The following MRPL21 variants were observed in gnomAD, a reference collection of about 807,000 sequenced individuals.
The protein encoded by MRPL21 is mitochondrial ribosomal protein L21.
A neutral mutation model predicts 27.3 loss-of-function variants in MRPL21; 20 were observed. That is an observed-to-expected ratio of 0.73 (90% CI 0.52 to 1.06). The LOEUF is 1.06. Among genes scored for constraint, MRPL21 ranks in the 50% least tolerant of loss-of-function variants. The probability of loss-of-function intolerance (pLI) is 0.00; values close to 1 mark genes in which losing one functional copy is unlikely to be tolerated. For missense variants in MRPL21, 249 were observed against 251.4 expected, an observed-to-expected ratio of 0.99 and a Z score of 0.06; for synonymous variants, 98 against 101.5, an observed-to-expected ratio of 0.97 and a Z score of 0.21.
In MRPL21 at chr11:68,898,042, A is replaced by G. The variant is rs369631085; in HGVS notation, c.147-30T>C. On this transcript the variant is annotated intron_variant, in intron 2 of 6. Transcript: ENST00000362034. ...AAAACACATTTCGTAGACAAATGTC[A>G]CAAGCACCTGAAAAGGCAGCTCAAA... 3.5e-5 allele frequency: 55 copies of G among 1,563,418 alleles called. No individual in the cohort carries two copies. In the Middle Eastern group the frequency reaches 1.0e-3, roughly 28 times the overall value.
At chr11:68,896,352 C>T in intron 4 of MRPL21, 163 bp downstream of exon 4, 1 of 872,086 alleles carries the variant, frequency 1.1e-6, no homozygotes, top group Non-Finnish European at 1.8e-6. Flanking sequence ...TGGACCCCAG[C>T]CCCGCCGTGG....
chr11:68,903,704 C>T lies in MRPL21; in HGVS notation c.88+19G>A, dbSNP rs1858038383. The T allele has an allele frequency of 2.5e-6, 4 of 1,612,724 alleles. No homozygotes were observed. The highest frequency in any genetic ancestry group is 1.3e-5 in the African/African-American group (1 of 75,078). ...CGCTCGCTCTGCGTCCTCCCTTCCT[C>T]CCATATCCCAGGTCTCACCTGCTCC... is the stretch of plus-strand genomic sequence containing the variant. On this transcript the variant is annotated intron_variant, in intron 1 of 6. Coordinates refer to ENST00000362034, the MANE Select transcript of MRPL21 (RefSeq NM_181514.2).
chr11:68,895,720 G>A (rs1857770472), intron 4 of MRPL21, among the ~76,000 whole-genome samples: 1 of 152,256 alleles, frequency 6.6e-6, no homozygotes, highest in East Asian at 1.9e-4. Context: ...GCCCAGGCTC[G>A]AGTGCAGTGG....
chr11:68,896,466 T>C (rs755975896), intron 4 of MRPL21, 49 bp downstream of exon 4: 2 of 1,605,368 alleles, frequency 1.2e-6, no homozygotes, highest in Non-Finnish European at 1.7e-6. Flanking sequence ...GGAGATTACA[T>C]ACTTGGTGGC....
chr11:68,892,809 C>T (rs1255008061), intron 6 of MRPL21, 81 bp downstream of exon 6: 2 of 1,563,272 alleles, frequency 1.3e-6, no homozygotes, highest in South Asian at 1.2e-5. Flanking sequence ...CCGAGACCCA[C>T]GTGCCCCACA....
At chr11:68,901,696 C>CGA (rs1233637389) in intron 1 of MRPL21, among the ~76,000 whole-genome samples, 1 of 152,100 alleles carries the variant, frequency 6.6e-6, no homozygotes, top group Non-Finnish European at 1.5e-5. Flanking sequence ...GCATCCAGTC[C>CGA]GATGGATTTA....
intron 2 of MRPL21, among the ~76,000 whole-genome samples, chr11:68,899,915 T>C (rs1399153101): frequency 6.6e-6 from 1 of 152,140 alleles, no homozygotes; most frequent in Admixed American, 6.6e-5. Context: ...CCCATGCAGA[T>C]AGAAATGAAC....
At position 68,900,750 on chromosome 11, in the gene MRPL21, G is replaced by A. The variant is rs142207024; in HGVS notation, c.89-145C>T. On this transcript the variant is annotated intron_variant, in intron 1 of 6. Coordinates refer to ENST00000362034, the MANE Select transcript of MRPL21 (RefSeq NM_181514.2). ...CCTGCCCACAGAAACACCTAGGTGAGCAAAACTACAAGAACGTCACTTACA... is the reference window on the plus strand; with the variant it reads ...CCTGCCCACAGAAACACCTAGGTGAACAAAACTACAAGAACGTCACTTACA... 162 of 704,788 alleles carry A rather than the reference G, an allele frequency of 2.3e-4. No homozygotes were observed. The African/African-American group carries it at 2.7e-3, about 12-fold the overall frequency. 43.7% of individuals were successfully genotyped at this position (704,788 alleles called of 1,614,324 possible).
intron 6 of MRPL21, chr11:68,891,643 C>A: frequency 1.7e-6 from 1 of 580,670 alleles, no homozygotes; most frequent in East Asian, 2.9e-5. Flanking sequence ...GGCACCTCAC[C>A]TCTCCTCCCA....
At chr11:68,895,525 C>T (rs1857765345) in intron 4 of MRPL21, among the ~76,000 whole-genome samples, 1 of 152,028 alleles carries the variant, frequency 6.6e-6, no homozygotes, top group Non-Finnish European at 1.5e-5. Context: ...TGGCATGCAC[C>T]TGTAATCCTA....
At chr11:68,891,857 G>A in intron 6 of MRPL21, 1 of 474,470 alleles carries the variant, frequency 2.1e-6, no homozygotes, top group Non-Finnish European at 3.7e-6. Flanking sequence ...TATAGCAAGA[G>A]CTGTGAGGGA....
Position 68,893,407 on chromosome 11 carries a change from G to C in MRPL21, c.445C>G (p.Leu149Val), listed in dbSNP as rs1277909402. 6.2e-7 allele frequency: 1 copy of C among 1,614,156 alleles called. No individual in the cohort carries two copies. The highest frequency in any genetic ancestry group is 1.7e-5 in the Admixed American group (1 of 60,002). ...CCAGCACTTCACAGCCATTACCCGA[G>C]GAGTGGCTTGCCAAGCAGCGTGAAG... ...DNFTLLGKPL[L>V]GKDLVRVEAT... is the part of the protein sequence containing the mutation. The change falls in exon 5 of 7, where the codon CTC (leucine) becomes GTC (valine). Residue 149 changes from leucine to valine, a missense_variant. Leu to Val is a conservative substitution (Grantham distance 32). Coordinates refer to ENST00000362034, the MANE Select transcript of MRPL21 (RefSeq NM_181514.2).
intron 2 of MRPL21, 114 bp from the exon 3 acceptor site, chr11:68,898,126 C>T (rs540502027): frequency 1.9e-4 from 164 of 865,764 alleles, no homozygotes; most frequent in African/African-American, 2.5e-4. Flanking sequence ...ACAAAAGGCT[C>T]GCTCTTTCGG....
At chr11:68,898,460 C>T (rs1018283508) in intron 2 of MRPL21, among the ~76,000 whole-genome samples, 5 of 152,226 alleles carry the variant, frequency 3.3e-5, no homozygotes, top group African/African-American at 1.2e-4. Context: ...TCACCACATC[C>T]TGCTCAAACA....
intron 4 of MRPL21, among the ~76,000 whole-genome samples, chr11:68,894,448 T>C (rs1857735306): frequency 6.6e-6 from 1 of 151,964 alleles, no homozygotes. Flanking sequence ...CCCCGGCTAA[T>C]TTTTTTTGGT....
chr11:68,901,751 C>T (rs1857940778), intron 1 of MRPL21, among the ~76,000 whole-genome samples: 1 of 152,174 alleles, frequency 6.6e-6, no homozygotes, highest in Admixed American at 6.5e-5. Context: ...CACCTCCAGC[C>T]AGGGCTTCTC....
At chr11:68,891,796 G>T in intron 6 of MRPL21, 1 of 464,772 alleles carries the variant, frequency 2.2e-6, no homozygotes, top group East Asian at 3.1e-5. Flanking sequence ...CCAGTATTCT[G>T]GGTATATTTA....
intron 1 of MRPL21, among the ~76,000 whole-genome samples, chr11:68,901,391 G>T (rs1311324753): frequency 6.6e-6 from 1 of 152,120 alleles, no homozygotes; most frequent in Non-Finnish European, 1.5e-5. Flanking sequence ...CGTAGATAAC[G>T]CATACACCAG....
intron 6 of MRPL21, chr11:68,891,627 T>C: frequency 8.5e-6 from 5 of 588,066 alleles, no homozygotes; most frequent in Non-Finnish European, 1.5e-5. Flanking sequence ...AGGAGTGCCC[T>C]GCGCTGGCAC....
Sources: gnomAD v4.1 joint callset for allele counts (sites outside exome capture counted in the v4.1 genomes callset) on GRCh38, gnomAD v4.1.1 for gene constraint, MANE v1.5 for transcripts, NCBI Gene and HGNC (gene_info 2026-07-23, HGNC 2026-07-21) for gene names.